Variants in GLIS3 observed in about 807,000 individuals in gnomAD.
GLIS3 encodes GLIS family zinc finger 3.
In GLIS3, 53 loss-of-function variants were observed where a neutral mutation model predicts 78.6. The observed-to-expected ratio is 0.67, with a 90% CI of 0.54 to 0.85. GLIS3 has a LOEUF of 0.85. GLIS3 is among the 40% of genes least tolerant of loss of function. GLIS3 has a pLI of 0.00. For missense variants in GLIS3, 1,703 were observed against 1,231.1 expected (o/e 1.38, Z -5.74); for synonymous variants, 684 against 509.9 (o/e 1.34, Z -4.60).
the GLIS3 span, among the ~76,000 whole-genome samples, chr9:4,442,990 G>A: frequency 6.6e-6 from 1 of 152,106 alleles, no homozygotes; most frequent in African/African-American, 2.4e-5. Context: ...TAAGCTGCTG[G>A]TCAAGCTGTC....
chr9:4,368,068 T>C, the GLIS3 span, among the ~76,000 whole-genome samples: 7 of 152,234 alleles, frequency 4.6e-5, no homozygotes, highest in African/African-American at 1.7e-4. Context: ...AACCAGTCAA[T>C]TCTTGCTTAT....
the GLIS3 span, among the ~76,000 whole-genome samples, chr9:4,382,688 G>C: frequency 6.6e-6 from 1 of 152,180 alleles, no homozygotes; most frequent in Non-Finnish European, 1.5e-5. Context: ...CAAAATTCTA[G>C]AGTGATGAGT....
chr9:4,210,550 T>C (rs1388067640), intron 2 of GLIS3, among the ~76,000 whole-genome samples: 2 of 152,258 alleles, frequency 1.3e-5, no homozygotes, highest in African/African-American at 4.8e-5. Context: ...CAATTTTTTT[T>C]TTAAGAGCAA....
At chr9:4,275,121 T>C (rs1826864827) in intron 2 of GLIS3, among the ~76,000 whole-genome samples, 1 of 152,162 alleles carries the variant, frequency 6.6e-6, no homozygotes, top group African/African-American at 2.4e-5. Flanking sequence ...AGACTTCATA[T>C]AGATAGAGGC....
intron 4 of GLIS3, among the ~76,000 whole-genome samples, chr9:4,048,806 G>C (rs1293136904): frequency 6.6e-6 from 1 of 152,158 alleles, no homozygotes; most frequent in African/African-American, 2.4e-5. Flanking sequence ...TAGGATTCCT[G>C]CACAAATATC....
chr9:3,979,340 T>C (rs1419149777), intron 4 of GLIS3, among the ~76,000 whole-genome samples: 3 of 152,206 alleles, frequency 2.0e-5, no homozygotes, highest in Non-Finnish European at 2.9e-5. Flanking sequence ...CAACCTTCAG[T>C]GGTGTAGCCA....
At chr9:3,914,742 T>C (rs761158007) in intron 6 of GLIS3, among the ~76,000 whole-genome samples, 3 of 152,164 alleles carry the variant, frequency 2.0e-5, no homozygotes, top group Non-Finnish European at 4.4e-5. Flanking sequence ...AAATTATACA[T>C]TCCAGCCCCC....
the GLIS3 span, among the ~76,000 whole-genome samples, chr9:4,437,439 T>C: frequency 6.6e-6 from 1 of 151,844 alleles, no homozygotes; most frequent in Non-Finnish European, 1.5e-5. Context: ...TATCTATCTA[T>C]CTATCTATCT....
chr9:4,150,438 G>T (rs1834587485), intron 2 of GLIS3, among the ~76,000 whole-genome samples: 1 of 152,212 alleles, frequency 6.6e-6, no homozygotes, highest in Non-Finnish European at 1.5e-5. Context: ...CGCAGGCCAG[G>T]AGGCCAAGTT....
intron 2 of GLIS3, among the ~76,000 whole-genome samples, chr9:4,168,286 GT>G (rs896774912): frequency 2.6e-5 from 4 of 151,856 alleles, no homozygotes; most frequent in African/African-American, 7.3e-5. Context: ...AAAATAAAGG[GT>G]TTTTTTCCTA....
At chr9:4,264,306 A>G (rs1376874364) in intron 2 of GLIS3, among the ~76,000 whole-genome samples, 2 of 152,084 alleles carry the variant, frequency 1.3e-5, no homozygotes, top group Non-Finnish European at 2.9e-5. Flanking sequence ...TAAACCCACC[A>G]CCACCACCAT....
intron 6 of GLIS3, among the ~76,000 whole-genome samples, chr9:3,921,349 T>C (rs1824874929): frequency 6.6e-6 from 1 of 152,200 alleles, no homozygotes; most frequent in African/African-American, 2.4e-5. Context: ...AATCACACAA[T>C]CGCCCTGTGG....
chr9:3,991,845 C>T (rs980828180), intron 4 of GLIS3, among the ~76,000 whole-genome samples: 2 of 152,006 alleles, frequency 1.3e-5, no homozygotes, highest in Non-Finnish European at 2.9e-5. Flanking sequence ...CGCCTGCAAC[C>T]ATGCCTGGCT....
intron 4 of GLIS3, among the ~76,000 whole-genome samples, chr9:4,104,563 C>A (rs1177226463): frequency 1.3e-5 from 2 of 152,140 alleles, no homozygotes; most frequent in African/African-American, 4.8e-5. Flanking sequence ...ATAAGTCAGA[C>A]CCTATCACTC....
intron 2 of GLIS3, among the ~76,000 whole-genome samples, chr9:4,135,308 C>G (rs1833322830): frequency 6.6e-6 from 1 of 152,168 alleles, no homozygotes; most frequent in Non-Finnish European, 1.5e-5. Context: ...AGAAAAAGCT[C>G]ATAATCCACC....
At chr9:4,226,315 C>T (rs1821765762) in intron 2 of GLIS3, among the ~76,000 whole-genome samples, 1 of 152,114 alleles carries the variant, frequency 6.6e-6, no homozygotes, top group African/African-American at 2.4e-5. Flanking sequence ...TATAAAACTC[C>T]GTAAAGATAG....
the GLIS3 span, among the ~76,000 whole-genome samples, chr9:4,400,972 C>T: frequency 6.6e-6 from 1 of 152,170 alleles, no homozygotes; most frequent in South Asian, 2.1e-4. Context: ...TCAGGGGAAA[C>T]CTAACACATT....
At chr9:4,236,204 A>AAAAAAAAAAAAAG (rs536737911) in intron 2 of GLIS3, among the ~76,000 whole-genome samples, 67 of 86,330 alleles carry the variant, frequency 7.8e-4, no homozygotes, top group African/African-American at 9.5e-4. Flanking sequence ...AAAAAAAAAA[A>AAAAAAAAAAAAAG]AAAGAAAGAA....
intron 2 of GLIS3, among the ~76,000 whole-genome samples, chr9:4,206,366 T>C (rs578036742): frequency 1.9e-4 from 29 of 152,250 alleles, no homozygotes; most frequent in South Asian, 4.1e-4. Context: ...TTTCACCAAA[T>C]TGCAGTATAT....
Sources: allele counts gnomAD v4.1 joint callset (sites outside exome capture counted in the v4.1 genomes callset), GRCh38; gene constraint gnomAD v4.1.1; transcripts MANE v1.5; gene names NCBI Gene and HGNC (gene_info 2026-07-23, HGNC 2026-07-21).